The following C5orf63 variants were observed in gnomAD, a reference collection of about 807,000 sequenced individuals.
The protein encoded by C5orf63 is chromosome 5 open reading frame 63.
In C5orf63, 18 loss-of-function variants were observed where a neutral mutation model predicts 13.3. The ratio of observed to expected loss-of-function variants is 1.36; its 90% CI spans 0.94 to 2.01. C5orf63 has a LOEUF of 2.01. C5orf63 is among the 30% of genes most tolerant of loss of function. C5orf63 has a pLI of 0.00. For missense variants in C5orf63, 118 were observed against 127.7 expected (o/e 0.92, Z 0.36); for synonymous variants, 38 against 44.7 (o/e 0.85, Z 0.60).
At chr5:127,047,454 C>G, downstream of C5orf63, 1 of 447,550 alleles carries the variant, frequency 2.2e-6, no homozygotes, top group Non-Finnish European at 4.0e-6. Flanking sequence ...TTCATTTTGC[C>G]AGCTGTTGGG....
At chr5:127,050,222 G>T (rs1220208704), downstream of C5orf63, among the ~76,000 whole-genome samples, 1 of 152,150 alleles carries the variant, frequency 6.6e-6, no homozygotes, top group East Asian at 1.9e-4. Context: ...CAAGAGTGGG[G>T]ATCACTGGGG....
chr5:127,047,894 G>C, downstream of C5orf63: 2 of 701,580 alleles, frequency 2.9e-6, no homozygotes, highest in Non-Finnish European at 5.2e-6. Flanking sequence ...GTTCCTGGCA[G>C]CTTCTGATCC....
Position 127,068,688 on chromosome 5 carries a change from T to C in C5orf63, c.-8+2896A>G, listed in dbSNP as rs546851627. Among the ~76,000 whole-genome samples, 15 of 152,338 alleles carry C rather than the reference T, an allele frequency of 9.8e-5. No individual in the cohort carries two copies. In the South Asian group the frequency reaches 2.9e-3, roughly 29 times the overall value. ...TGGAAGGGGAGAGGAGTCTTCAGTA[T>C]AAGCAAGATTTTGTTTTAGAATATG... On this transcript the variant is annotated intron_variant, in intron 2 of 4. Coordinates refer to ENST00000296662, the MANE Select transcript of C5orf63 (RefSeq NM_001164478.2).
chr5:127,052,722 C>A, intron 3 of C5orf63, 53 bp from the exon 4 acceptor site: 1 of 1,380,480 alleles, frequency 7.2e-7, no homozygotes, highest in South Asian at 1.6e-5. Flanking sequence ...GGCATTTGCC[C>A]TTACAAAAAC....
chr5:127,053,637 A>G (rs1753770823), intron 3 of C5orf63, among the ~76,000 whole-genome samples: 1 of 152,064 alleles, frequency 6.6e-6, no homozygotes, highest in Admixed American at 6.5e-5. Context: ...CCTGTGTCCA[A>G]GTGTTCTCAT....
chr5:127,064,453 CACCT>C (rs1580533291), intron 2 of C5orf63, among the ~76,000 whole-genome samples: 1 of 152,166 alleles, frequency 6.6e-6, no homozygotes. Context: ...GCTAACCACC[CACCT>C]ATGGGCCCGG....
chr5:127,051,658 T>C lies in C5orf63; in HGVS notation c.*113A>G. On this transcript the variant is annotated 3_prime_UTR_variant, in exon 5 of 5. Coordinates refer to ENST00000296662, the MANE Select transcript of C5orf63 (RefSeq NM_001164478.2). ...TCAACATTTATTTGGCACCACTGAA[T>C]TCAGAACATCCTTAGGGCTCTGTAC... 6 of 1,293,438 alleles carry C rather than the reference T, an allele frequency of 4.6e-6. No homozygotes were observed. Among genetic ancestry groups the C allele is most frequent in the Non-Finnish European group, 5.9e-6 (6 of 1,022,174 alleles). 80.1% of individuals were successfully genotyped at this position (1,293,438 alleles called of 1,614,324 possible).
chr5:127,060,348 C>T lies in C5orf63; in HGVS notation c.-7-1346G>A, dbSNP rs550724173. 1.1e-4 allele frequency among the ~76,000 whole-genome samples: 17 copies of T among 152,276 alleles called. No individual in the cohort carries two copies. In the South Asian group the frequency reaches 2.3e-3, roughly 20 times the overall value. ...ATTCCAGTAAGAACAGCTTGGTGATCGCAGCATCTCAAACACTAGGCTTTG... is the reference window on the plus strand; with the variant it reads ...ATTCCAGTAAGAACAGCTTGGTGATTGCAGCATCTCAAACACTAGGCTTTG... On this transcript the variant is annotated intron_variant, in intron 2 of 4. Coordinates refer to ENST00000296662, the MANE Select transcript of C5orf63 (RefSeq NM_001164478.2).
chr5:127,065,766 A>G (rs946062179), intron 2 of C5orf63, among the ~76,000 whole-genome samples: 6 of 152,186 alleles, frequency 3.9e-5, no homozygotes, highest in Non-Finnish European at 4.4e-5. Flanking sequence ...CTGTTGAGAA[A>G]AGGAGAATGG....
chr5:127,058,058 CTTTTA>C (rs1753955894), intron 3 of C5orf63, among the ~76,000 whole-genome samples: 1 of 151,728 alleles, frequency 6.6e-6, no homozygotes, highest in South Asian at 2.1e-4. Context: ...TTTTTTTCAA[CTTTTA>C]TTTTAGGTTC....
intron 3 of C5orf63, among the ~76,000 whole-genome samples, chr5:127,054,512 C>T (rs1201689591): frequency 6.6e-6 from 1 of 152,152 alleles, no homozygotes; most frequent in African/African-American, 2.4e-5. Flanking sequence ...TTTCATGTGT[C>T]TGTTGGCTGC....
At chr5:127,060,974 C>A (rs1356157947) in intron 2 of C5orf63, among the ~76,000 whole-genome samples, 3 of 152,202 alleles carry the variant, frequency 2.0e-5, no homozygotes, top group African/African-American at 4.8e-5. Context: ...ATTAACCTGG[C>A]ACATAATAGG....
downstream of C5orf63, among the ~76,000 whole-genome samples, chr5:127,050,472 T>C (rs1421075303): frequency 6.6e-6 from 1 of 152,044 alleles, no homozygotes; most frequent in Non-Finnish European, 1.5e-5. Context: ...GTACTCAGCT[T>C]AAAAGGCTTT....
intron 3 of C5orf63, among the ~76,000 whole-genome samples, chr5:127,056,824 T>C (rs1753905370): frequency 6.6e-6 from 1 of 152,240 alleles, no homozygotes; most frequent in Non-Finnish European, 1.5e-5. Flanking sequence ...AAGTACTTTC[T>C]ATTTTTCATA....
chr5:127,069,321 A>AC (rs1249498261), intron 2 of C5orf63, among the ~76,000 whole-genome samples: 1 of 152,184 alleles, frequency 6.6e-6, no homozygotes, highest in Non-Finnish European at 1.5e-5. Context: ...TCTTATACTT[A>AC]ATACTGACCT....
chr5:127,067,104 C>T (rs1320669171), intron 2 of C5orf63, among the ~76,000 whole-genome samples: 3 of 152,116 alleles, frequency 2.0e-5, no homozygotes, highest in Non-Finnish European at 4.4e-5. Context: ...GTGGTTCTTA[C>T]CCAATTTAAC....
intron 2 of C5orf63, among the ~76,000 whole-genome samples, chr5:127,062,583 T>G (rs968842955): frequency 1.3e-5 from 2 of 152,122 alleles, no homozygotes; most frequent in African/African-American, 4.8e-5. Flanking sequence ...AAAAATAAAA[T>G]GAAAAATGAT....
At chr5:127,068,755 G>A (rs1280040348) in intron 2 of C5orf63, among the ~76,000 whole-genome samples, 1 of 152,120 alleles carries the variant, frequency 6.6e-6, no homozygotes, top group Non-Finnish European at 1.5e-5. Flanking sequence ...TGCTTTGGAG[G>A]AGTCTACTCA....
In C5orf63 at chr5:127,051,436, G is replaced by A. The variant is rs1753670227; in HGVS notation, c.*335C>T. 5.7e-6 allele frequency: 7 copies of A among 1,233,024 alleles called. No individual in the cohort carries two copies. Among genetic ancestry groups the A allele is most frequent in the Non-Finnish European group, 6.1e-6 (6 of 988,712 alleles). The allele number at this position is 1,233,024 out of a possible 1,614,324, so 76.4% of individuals were successfully genotyped here. A position where few individuals can be genotyped will look rare whatever the true frequency, so the allele number is the denominator to read the frequency against. On this transcript the variant is annotated 3_prime_UTR_variant, in exon 5 of 5. Coordinates refer to ENST00000296662, the MANE Select transcript of C5orf63 (RefSeq NM_001164478.2). ...CCTCCGGGGCAGCAGCAGGAATGCA[G>A]AACCTTCTTCCTATAAATGGCATTG...
Sources: gnomAD v4.1 joint callset for allele counts (sites outside exome capture counted in the v4.1 genomes callset) on GRCh38, gnomAD v4.1.1 for gene constraint, MANE v1.5 for transcripts, NCBI Gene and HGNC (gene_info 2026-07-23, HGNC 2026-07-21) for gene names.